Variants in RPGRIP1L observed in about 807,000 individuals in gnomAD.
The protein encoded by RPGRIP1L is protein fantom.
RPGRIP1L carries 131 observed loss-of-function variants against 160.4 expected under a neutral mutation model. That is an observed-to-expected ratio of 0.82 (90% CI 0.71 to 0.94). The LOEUF (loss-of-function observed/expected upper bound fraction) is 0.94. Ranked by LOEUF, RPGRIP1L falls within the 40% of genes least tolerant of loss-of-function variation. The pLI, the probability that RPGRIP1L is intolerant of heterozygous loss-of-function variation, is 0.00. For missense variants in RPGRIP1L, 1,522 were observed against 1,535.8 expected (o/e 0.99, Z 0.15); for synonymous variants, 510 against 515.8 (o/e 0.99, Z 0.15).
In RPGRIP1L at chr16:53,657,442, T is replaced by G; in HGVS notation, c.1581+11A>C. The G allele has an allele frequency of 4.5e-6, 7 of 1,564,366 alleles. No homozygotes were observed. The highest frequency in any genetic ancestry group is 6.2e-6 in the Non-Finnish European group (7 of 1,136,908). On this transcript the variant is annotated intron_variant, in intron 13 of 26. Coordinates refer to ENST00000647211, the MANE Select transcript of RPGRIP1L (RefSeq NM_015272.5). ...GAAAACTTACTTTCCCCATTTAGTG[T>G]ATTACATTACCTGATAATCTTTATT...
At chr16:53,672,574 T>C (rs985954464) in intron 8 of RPGRIP1L, among the ~76,000 whole-genome samples, 14 of 152,180 alleles carry the variant, frequency 9.2e-5, no homozygotes, top group Admixed American at 2.6e-4. Context: ...GCTGTTACAG[T>C]TGAGAAAGTT....
intron 22 of RPGRIP1L, among the ~76,000 whole-genome samples, chr16:53,629,938 C>T (rs998247294): frequency 2.0e-5 from 3 of 152,210 alleles, no homozygotes; most frequent in East Asian, 1.9e-4. Context: ...TCACTGCTAA[C>T]GCTGTCAGAT....
chr16:53,681,804 T>C (rs373752117), intron 6 of RPGRIP1L, among the ~76,000 whole-genome samples: 7 of 152,310 alleles, frequency 4.6e-5, no homozygotes, highest in African/African-American at 1.2e-4. Context: ...TTGCCATAAA[T>C]ATCAAGCACT....
Position 53,664,923 on chromosome 16 carries a change from T to G in RPGRIP1L, c.1190A>C (p.Lys397Thr), listed in dbSNP as rs571212511. The G allele has an allele frequency of 5.6e-6, 9 of 1,613,186 alleles. No homozygotes were observed. In the South Asian group the frequency reaches 9.9e-5, roughly 18 times the overall value. ...VQIAQLETAL[K>T]SDLTDKTEIL... The stretch of plus-strand genomic sequence containing the variant: ...TTCAGTTTTGTCTGTTAAGTCAGAC[T>G]TCAAGGCAGTCTCGAGCTGAGCAAT... The change falls in exon 10 of 27, where the codon AAG becomes ACG. Residue 397 changes from lysine to threonine, a missense_variant. By Grantham distance (78) the Lys-to-Thr change is moderately conservative. Coordinates refer to ENST00000647211, the MANE Select transcript of RPGRIP1L (RefSeq NM_015272.5).
intron 1 of RPGRIP1L, chr16:53,701,763 G>C (rs1031614270): frequency 6.6e-6 from 1 of 151,946 alleles, no homozygotes; most frequent in African/African-American, 2.4e-5. Context: ...TGTTGAGTGA[G>C]TGAATGGAGT....
intron 9 of RPGRIP1L, among the ~76,000 whole-genome samples, chr16:53,666,051 C>T (rs1968222070): frequency 6.6e-6 from 1 of 152,064 alleles, no homozygotes; most frequent in African/African-American, 2.4e-5. Flanking sequence ...GTAAATACAA[C>T]AAAAACTTAT....
intron 3 of RPGRIP1L, chr16:53,695,458 C>T (rs1027450423): frequency 2.8e-6 from 2 of 702,768 alleles, no homozygotes; most frequent in Admixed American, 2.0e-5. Context: ...TTTCTTTGAA[C>T]CTAGAACATA....
chr16:53,626,935 T>C (rs1965226254), intron 22 of RPGRIP1L, among the ~76,000 whole-genome samples: 1 of 152,118 alleles, frequency 6.6e-6, no homozygotes, highest in Non-Finnish European at 1.5e-5. Flanking sequence ...GATCTAGAAA[T>C]GTGATGACAG....
intron 23 of RPGRIP1L, among the ~76,000 whole-genome samples, chr16:53,621,665 A>G (rs993437939): frequency 7.2e-5 from 11 of 152,190 alleles, no homozygotes; most frequent in African/African-American, 2.7e-4. Context: ...TTGACAAATG[A>G]TGCTAGACAA....
At chr16:53,609,132 AGG>A (rs1324778744) in intron 25 of RPGRIP1L, among the ~76,000 whole-genome samples, 3 of 152,226 alleles carry the variant, frequency 2.0e-5, no homozygotes, top group Non-Finnish European at 4.4e-5. Flanking sequence ...TCTCTCACCC[AGG>A]TTGGAGTACA....
intron 5 of RPGRIP1L, among the ~76,000 whole-genome samples, chr16:53,687,026 G>A (rs1432444927): frequency 6.6e-6 from 1 of 152,144 alleles, no homozygotes; most frequent in Non-Finnish European, 1.5e-5. Flanking sequence ...ATGTCTGGCA[G>A]CATCACACTG....
At position 53,652,977 on chromosome 16, in the gene RPGRIP1L, C is replaced by CT. The variant is rs778149316; in HGVS notation, c.1709dup (p.Asp571GlyfsTer12). On this transcript the variant is annotated frameshift_variant, in exon 15 of 27. Transcript: ENST00000647211. LOFTEE classifies it high-confidence loss of function. ...ACTGCTTGGTGCCATAGGCAATATCCTTTAATTGGGCTGCAAGAGAAGACA... is the reference window on the plus strand; with the variant it reads ...ACTGCTTGGTGCCATAGGCAATATCCTTTTAATTGGGCTGCAAGAGAAGACA... 49 of 1,612,168 alleles carry CT rather than the reference C, an allele frequency of 3.0e-5. No individual in the cohort carries two copies. The African/African-American group carries it at 5.2e-4, about 17-fold the overall frequency.
chr16:53,673,212 A>G (rs1187243071), intron 7 of RPGRIP1L, among the ~76,000 whole-genome samples, 196 bp from the exon 8 acceptor site: 1 of 152,204 alleles, frequency 6.6e-6, no homozygotes, highest in African/African-American at 2.4e-5. Flanking sequence ...CATGTGTGTG[A>G]CATGAGGAAG....
chr16:53,626,601 T>TC (rs1427598054), intron 22 of RPGRIP1L, among the ~76,000 whole-genome samples: 2 of 152,050 alleles, frequency 1.3e-5, no homozygotes, highest in Non-Finnish European at 2.9e-5. Context: ...GACCATGACT[T>TC]CAAGACCAGC....
At chr16:53,633,438 G>A (rs555201047) in intron 22 of RPGRIP1L, among the ~76,000 whole-genome samples, 1 of 152,272 alleles carries the variant, frequency 6.6e-6, no homozygotes, top group African/African-American at 2.4e-5. Context: ...GAGTATCACT[G>A]TTATAAAACA....
chr16:53,604,022 T>C (rs1963524783), intron 26 of RPGRIP1L, among the ~76,000 whole-genome samples: 1 of 152,052 alleles, frequency 6.6e-6, no homozygotes. Context: ...TTGGAAAAAA[T>C]ACGAAGAATA....
At chr16:53,684,818 C>G (rs769274352) in intron 6 of RPGRIP1L, among the ~76,000 whole-genome samples, 35 of 150,180 alleles carry the variant, frequency 2.3e-4, no homozygotes, top group Admixed American at 2.1e-3. Flanking sequence ...GTTTTCACAA[C>G]GAAGATGCCA....
At position 53,675,074 on chromosome 16, in the gene RPGRIP1L, T is replaced by C. The variant is rs546767878; in HGVS notation, c.825A>G (p.Leu275=). The C allele has an allele frequency of 3.1e-6, 5 of 1,611,894 alleles. No individual in the cohort carries two copies. Among genetic ancestry groups the C allele is most frequent in the East Asian group, 4.5e-5 (2 of 44,702 alleles). Residue 275 remains leucine (L), a synonymous_variant, in exon 7 of 27, where the codon CTA becomes CTG. Coordinates refer to ENST00000647211, the MANE Select transcript of RPGRIP1L (RefSeq NM_015272.5). ...CTGAAAGAGCATTGCTTTTCTCTAC[T>C]AGCTGTTTATGAAGCTTAATCATTT... ...NVEMIKLHKQ[L]VEKSNALSAM...
intron 6 of RPGRIP1L, among the ~76,000 whole-genome samples, chr16:53,680,847 A>C (rs960410232): frequency 4.6e-5 from 7 of 152,046 alleles, no homozygotes; most frequent in Admixed American, 2.0e-4. Context: ...GGGAGGGAGA[A>C]GGAGAAATAG....
Sources: gnomAD v4.1 joint callset for allele counts (sites outside exome capture counted in the v4.1 genomes callset) on GRCh38, gnomAD v4.1.1 for gene constraint, MANE v1.5 for transcripts, NCBI Gene and HGNC (gene_info 2026-07-23, HGNC 2026-07-21) for gene names.